Variants in PHLDB2 observed in about 807,000 individuals in gnomAD.
PHLDB2 encodes the protein pleckstrin homology like domain family B member 2.
A neutral mutation model predicts 123.6 loss-of-function variants in PHLDB2; 71 were observed. The ratio of observed to expected loss-of-function variants is 0.57; its 90% confidence interval spans 0.47 to 0.70. The LOEUF is 0.70. PHLDB2 is among the 30% of genes least tolerant of loss of function. PHLDB2 has a pLI of 0.00. For missense variants in PHLDB2, 1,446 were observed against 1,519.5 expected, an observed-to-expected ratio of 0.95 and a Z score of 0.80; for synonymous variants, 547 against 541.6, an observed-to-expected ratio of 1.01 and a Z score of -0.14.
chr3:111,809,957 G>A (rs2061756560), intron 1 of PHLDB2, among the ~76,000 whole-genome samples: 1 of 152,160 alleles, frequency 6.6e-6, no homozygotes, highest in Admixed American at 6.5e-5. Flanking sequence ...CTCCCAAGTA[G>A]CTGGGACTAC....
chr3:111,911,521 C>G (rs1441414892), intron 2 of PHLDB2: 1 of 1,088,374 alleles, frequency 9.2e-7, no homozygotes, highest in Non-Finnish European at 1.3e-6. Context: ...CTATGTCCCC[C>G]CTGCTTCCTC....
rs181919216 is a variant in PHLDB2 at position 111,953,248 on chromosome 3, T to A, written c.2772+536T>A. ...TATGTAGTGGAGTGGAATGTGAACC[T>A]ATGCGACCTGATGCCCGCCCAAGCT... is the stretch of plus-strand genomic sequence containing the variant. On this transcript the variant is annotated intron_variant, in intron 11 of 17. Transcript: ENST00000431670. 1.7e-4 allele frequency among the ~76,000 whole-genome samples: 26 copies of A among 152,268 alleles called. No individual in the cohort carries two copies. The East Asian group carries it at 4.8e-3, about 28-fold the overall frequency.
At chr3:111,862,773 T>A (rs1296405920) in intron 1 of PHLDB2, among the ~76,000 whole-genome samples, 1 of 152,156 alleles carries the variant, frequency 6.6e-6, no homozygotes, top group Non-Finnish European at 1.5e-5. Flanking sequence ...GAACTTGTGT[T>A]CATTGACAAC....
chr3:111,864,698 A>G (rs2064984519), intron 1 of PHLDB2, among the ~76,000 whole-genome samples: 1 of 152,270 alleles, frequency 6.6e-6, no homozygotes, highest in Admixed American at 6.5e-5. Context: ...TAACAGGGTT[A>G]GTCAAAAAGT....
At chr3:111,750,636 G>A (rs1224799347) in intron 1 of PHLDB2, among the ~76,000 whole-genome samples, 2 of 152,050 alleles carry the variant, frequency 1.3e-5, no homozygotes, top group Admixed American at 1.3e-4. Flanking sequence ...ACTCACATAT[G>A]AGAAATCTAA....
intron 11 of PHLDB2, chr3:111,953,662 G>A (rs1337027782): frequency 9.4e-6 from 3 of 318,762 alleles, no homozygotes; most frequent in East Asian, 6.0e-5. Flanking sequence ...ATTCTTTCAG[G>A]TGATTTTGGA....
At chr3:111,851,351 C>G (rs1576885494) in intron 2 of PHLDB2, among the ~76,000 whole-genome samples, 1 of 152,256 alleles carries the variant, frequency 6.6e-6, no homozygotes, top group Middle Eastern at 3.4e-3. Context: ...AATGTTGTCA[C>G]TGAATTTCTA....
chr3:111,764,244 G>A (rs146428591), intron 1 of PHLDB2, among the ~76,000 whole-genome samples: 1 of 152,172 alleles, frequency 6.6e-6, no homozygotes, highest in African/African-American at 2.4e-5. Flanking sequence ...GCCCAGGAAT[G>A]GTAGTTATTG....
intron 1 of PHLDB2, among the ~76,000 whole-genome samples, chr3:111,757,475 T>A (rs558725178): frequency 1.9e-4 from 29 of 152,356 alleles, no homozygotes; most frequent in African/African-American, 7.0e-4. Flanking sequence ...CACATTTGTC[T>A]AAATTTTTTT....
At chr3:111,777,456 T>C (rs752538292) in intron 1 of PHLDB2, among the ~76,000 whole-genome samples, 1 of 152,146 alleles carries the variant, frequency 6.6e-6, no homozygotes, top group Non-Finnish European at 1.5e-5. Flanking sequence ...TTATGGTATT[T>C]CTTTTTATCT....
At position 111,859,340 on chromosome 3, in the gene PHLDB2, C is replaced by G. The variant is rs1013456864; in HGVS notation, c.-251C>G. 3 of 985,584 alleles carry G rather than the reference C, an allele frequency of 3.0e-6. No homozygotes were observed. In the South Asian group the frequency reaches 1.4e-4, roughly 46 times the overall value. The allele number at this position is 985,584 out of a possible 1,614,324, so 61.1% of individuals were successfully genotyped here. A position where few individuals can be genotyped will look rare whatever the true frequency, so the allele number is the denominator to read the frequency against. On this transcript the variant is annotated 5_prime_UTR_variant, in exon 1 of 18. Coordinates refer to ENST00000431670, the MANE Select transcript of PHLDB2 (RefSeq NM_001134438.2). ...CAAACAGCCATGCCCTTCCAGCAGCCGTGAAAGCCCCAACAGCAAACTGCC... is the reference window on the plus strand; with the variant it reads ...CAAACAGCCATGCCCTTCCAGCAGCGGTGAAAGCCCCAACAGCAAACTGCC...
At chr3:111,787,248 T>G (rs1269139685) in intron 1 of PHLDB2, among the ~76,000 whole-genome samples, 2 of 152,216 alleles carry the variant, frequency 1.3e-5, no homozygotes, top group African/African-American at 4.8e-5. Flanking sequence ...ATCCTCATGC[T>G]TTTGCGTTAC....
intron 6 of PHLDB2, among the ~76,000 whole-genome samples, chr3:111,938,198 G>T (rs2069621313): frequency 1.3e-5 from 2 of 152,016 alleles, no homozygotes; most frequent in South Asian, 4.2e-4. Flanking sequence ...TTAAAAAAAA[G>T]ACTTTATTTT....
chr3:111,858,291 T>C (rs1488446497), upstream of PHLDB2, among the ~76,000 whole-genome samples: 1 of 151,518 alleles, frequency 6.6e-6, no homozygotes, highest in Non-Finnish European at 1.5e-5. Context: ...CATCACACCC[T>C]GAGGCCTGTT....
chr3:111,896,957 C>T (rs1436097608), intron 2 of PHLDB2, among the ~76,000 whole-genome samples: 1 of 152,154 alleles, frequency 6.6e-6, no homozygotes, highest in Non-Finnish European at 1.5e-5. Flanking sequence ...GTATCCTTTA[C>T]CCAGTTTCCT....
At chr3:111,803,926 T>C (rs1373294479) in intron 1 of PHLDB2, among the ~76,000 whole-genome samples, 1 of 152,180 alleles carries the variant, frequency 6.6e-6, no homozygotes, top group Non-Finnish European at 1.5e-5. Context: ...TTCTGAGGAA[T>C]CAGTCTCAGA....
chr3:111,780,271 A>AAAG (rs1553726675), intron 1 of PHLDB2, among the ~76,000 whole-genome samples: 1 of 7,790 alleles, frequency 1.3e-4, no homozygotes, highest in African/African-American at 4.1e-4. Flanking sequence ...AAGAAGAAGA[A>AAAG]AAGAAGAAGA....
chr3:111,841,810 C>T (rs995618761), intron 1 of PHLDB2, among the ~76,000 whole-genome samples: 3 of 152,224 alleles, frequency 2.0e-5, no homozygotes, highest in African/African-American at 7.2e-5. Context: ...GGTAGAAATG[C>T]TGTCTACCAC....
chr3:111,945,050 A>T (rs1216019688), intron 8 of PHLDB2, among the ~76,000 whole-genome samples: 1 of 152,232 alleles, frequency 6.6e-6, no homozygotes, highest in Non-Finnish European at 1.5e-5. Flanking sequence ...TAAAGGTTAT[A>T]TTGCTAAGTA....
Sources: gnomAD v4.1 joint callset for allele counts (sites outside exome capture counted in the v4.1 genomes callset) on GRCh38, gnomAD v4.1.1 for gene constraint, MANE v1.5 for transcripts, NCBI Gene and HGNC (gene_info 2026-07-23, HGNC 2026-07-21) for gene names.